CPA6: variants seen among roughly 807,000 people sequenced by gnomAD.
The protein encoded by CPA6 is carboxypeptidase A6, also known as carboxypeptidase B.
Under a neutral mutation model 63.3 loss-of-function variants are expected in CPA6, and 58 were observed. The ratio of observed to expected loss-of-function variants is 0.92; its 90% CI spans 0.74 to 1.14. The LOEUF is 1.14. Ranked by LOEUF, CPA6 falls within the 50% of genes most tolerant of loss-of-function variation. The probability of loss-of-function intolerance (pLI) is 0.00; values close to 1 mark genes in which losing one functional copy is unlikely to be tolerated. For synonymous variants in CPA6, 185 were observed against 179.0 expected (o/e 1.03, Z -0.27); for missense variants, 565 against 526.6 (o/e 1.07, Z -0.71).
At chr8:67,475,936 CTT>C in intron 8 of CPA6, among the ~76,000 whole-genome samples, 2 of 104,252 alleles carry the variant, frequency 1.9e-5, no homozygotes, top group Admixed American at 1.1e-4. Flanking sequence ...CTTTCTTTCT[CTT>C]TCTTTCTCTG....
intron 2 of CPA6, among the ~76,000 whole-genome samples, chr8:67,613,532 C>T (rs906393964): frequency 6.6e-6 from 1 of 152,208 alleles, no homozygotes; most frequent in African/African-American, 2.4e-5. Context: ...TATATATGTA[C>T]ATGCCAGCTG....
Position 67,746,179 on chromosome 8 carries a change from TGGAGGTG to T in CPA6, c.-57_-51del. The T allele has an allele frequency of 6.9e-7, 1 of 1,438,916 alleles. No individual in the cohort carries two copies. The highest frequency in any genetic ancestry group is 9.7e-7 in the Non-Finnish European group (1 of 1,035,768). The allele number at this position is 1,438,916 out of a possible 1,614,324, so 89.1% of individuals were successfully genotyped here. On this transcript the variant is annotated 5_prime_UTR_variant, in exon 1 of 11. Coordinates refer to ENST00000297770, the MANE Select transcript of CPA6 (RefSeq NM_020361.5). ...AGTTACTTAAGCAGCCACCCGAGGC[TGGAGGTG>T]GCTCACAGCACCCTCTACACACCGC...
At chr8:67,700,765 A>G (rs1383987) in intron 1 of CPA6, among the ~76,000 whole-genome samples, 19,611 of 152,162 alleles carry the variant, frequency 0.13, 1,697 homozygotes, top group African/African-American at 0.24. Context: ...GGGGAGTTGC[A>G]TTTTATATAT....
At chr8:67,704,289 A>G (rs79614092) in intron 1 of CPA6, among the ~76,000 whole-genome samples, 2,089 of 152,286 alleles carry the variant, frequency 0.014, 39 homozygotes, top group African/African-American at 0.046. Context: ...GCCCTTCTCA[A>G]TACGCGTCAA....
At chr8:67,732,265 G>T (rs1021679220) in intron 1 of CPA6, among the ~76,000 whole-genome samples, 1 of 152,310 alleles carries the variant, frequency 6.6e-6, no homozygotes, top group African/African-American at 2.4e-5. Context: ...TCCGAAAGCC[G>T]TAAGGGCAAA....
At chr8:67,511,676 A>G in intron 3 of CPA6, 21 bp from the exon 4 acceptor site, 1 of 1,408,516 alleles carries the variant, frequency 7.1e-7, no homozygotes, top group Non-Finnish European at 1.0e-6. Flanking sequence ...AATGACAGAC[A>G]TGATGAAAAG....
At chr8:67,690,636 G>A (rs1297199675) in intron 1 of CPA6, among the ~76,000 whole-genome samples, 1 of 152,154 alleles carries the variant, frequency 6.6e-6, no homozygotes, top group Non-Finnish European at 1.5e-5. Context: ...AACCAGAGAA[G>A]CTGATGTAAG....
intron 1 of CPA6, among the ~76,000 whole-genome samples, chr8:67,707,671 G>C (rs1466204703): frequency 6.6e-6 from 1 of 152,140 alleles, no homozygotes; most frequent in Non-Finnish European, 1.5e-5. Flanking sequence ...CAATTTGGGA[G>C]GCTGAGGCAG....
At chr8:67,484,086 T>C (rs1450809527) in intron 7 of CPA6, among the ~76,000 whole-genome samples, 1 of 152,018 alleles carries the variant, frequency 6.6e-6, no homozygotes, top group Non-Finnish European at 1.5e-5. Flanking sequence ...TTTTTTTTTT[T>C]TGAGACAGAG....
At chr8:67,604,246 C>T (rs973065140) in intron 2 of CPA6, among the ~76,000 whole-genome samples, 2 of 152,064 alleles carry the variant, frequency 1.3e-5, no homozygotes, top group Admixed American at 6.6e-5. Context: ...TTCAAGGACT[C>T]GAAAAAATAG....
At chr8:67,660,506 T>C (rs1563381512) in intron 1 of CPA6, among the ~76,000 whole-genome samples, 1 of 138,988 alleles carries the variant, frequency 7.2e-6, no homozygotes, top group African/African-American at 2.7e-5. Context: ...ATTTTTTTTT[T>C]TTTTTTTTTT....
chr8:67,445,500 C>T (rs60604773), intron 8 of CPA6, among the ~76,000 whole-genome samples: 2,336 of 151,912 alleles, frequency 0.015, 56 homozygotes, highest in African/African-American at 0.052. Context: ...TGTTTGTAGG[C>T]TAATATTATA....
intron 1 of CPA6, among the ~76,000 whole-genome samples, chr8:67,665,148 C>T (rs1816198989): frequency 6.6e-6 from 1 of 152,172 alleles, no homozygotes; most frequent in Admixed American, 6.5e-5. Flanking sequence ...CTTTGCTCTA[C>T]AAGATTTCTA....
At chr8:67,477,289 C>CAAAA (rs10570927) in intron 8 of CPA6, among the ~76,000 whole-genome samples, 1 of 66,496 alleles carries the variant, frequency 1.5e-5, no homozygotes, top group Non-Finnish European at 2.8e-5. Flanking sequence ...GACTCCATCT[C>CAAAA]AAAAAAAAAA....
At chr8:67,581,158 G>A (rs1587592165) in intron 2 of CPA6, among the ~76,000 whole-genome samples, 1 of 152,166 alleles carries the variant, frequency 6.6e-6, no homozygotes, top group East Asian at 1.9e-4. Context: ...AGTAATGTAA[G>A]ATTTACAGTA....
intron 6 of CPA6, among the ~76,000 whole-genome samples, chr8:67,497,002 A>G (rs537661236): frequency 6.6e-6 from 1 of 152,288 alleles, no homozygotes; most frequent in African/African-American, 2.4e-5. Flanking sequence ...ATATGTATGG[A>G]ATCAGGTAAT....
chr8:67,629,351 C>T (rs1379573275), intron 1 of CPA6, among the ~76,000 whole-genome samples: 1 of 151,334 alleles, frequency 6.6e-6, no homozygotes, highest in African/African-American at 2.4e-5. Flanking sequence ...CATCATGGCA[C>T]ATACATATAG....
chr8:67,712,228 G>A (rs941956525), intron 1 of CPA6, among the ~76,000 whole-genome samples: 4 of 152,060 alleles, frequency 2.6e-5, no homozygotes, highest in Non-Finnish European at 5.9e-5. Flanking sequence ...ATAGTGTATC[G>A]GGACCACTGG....
At chr8:67,721,001 C>T (rs1217796838) in intron 1 of CPA6, among the ~76,000 whole-genome samples, 1 of 152,166 alleles carries the variant, frequency 6.6e-6, no homozygotes, top group East Asian at 1.9e-4. Context: ...TGAAAAACTC[C>T]CTATTAGGGA....
Sources: gnomAD v4.1 joint callset for allele counts (sites outside exome capture counted in the v4.1 genomes callset) on GRCh38, gnomAD v4.1.1 for gene constraint, MANE v1.5 for transcripts, NCBI Gene and HGNC (gene_info 2026-07-23, HGNC 2026-07-21) for gene names.